Variants in PRKN observed in about 807,000 individuals in gnomAD.
The protein encoded by PRKN is parkin RBR E3 ubiquitin protein ligase, also known as E3 ubiquitin-protein ligase parkin.
Under a neutral mutation model 59.5 loss-of-function variants are expected in PRKN, and 56 were observed. The observed-to-expected ratio is 0.94, with a 90% CI of 0.76 to 1.18. The LOEUF is 1.18. PRKN is among the 50% of genes most tolerant of loss of function. The pLI is 0.00. For missense variants in PRKN, 657 were observed against 596.4 expected (o/e 1.10, Z -1.06); for synonymous variants, 250 against 222.1 (o/e 1.13, Z -1.12).
At chr6:162,669,470 G>C (rs1231224208) in intron 1 of PRKN, among the ~76,000 whole-genome samples, 1 of 152,058 alleles carries the variant, frequency 6.6e-6, no homozygotes, top group African/African-American at 2.4e-5. Context: ...TTTGTTACTT[G>C]AATACGTTTA....
chr6:161,733,257 T>C (rs577482027), intron 7 of PRKN, among the ~76,000 whole-genome samples: 5 of 152,326 alleles, frequency 3.3e-5, no homozygotes, highest in East Asian at 1.9e-4. Flanking sequence ...TCTCCTTATA[T>C]GGAAAAGTAT....
At chr6:162,302,279 A>G (rs1562653350) in intron 2 of PRKN, among the ~76,000 whole-genome samples, 2 of 152,062 alleles carry the variant, frequency 1.3e-5, no homozygotes, top group Admixed American at 6.6e-5. Context: ...CCTATTGTGT[A>G]TGAGAGGAAT....
At position 161,369,282 on chromosome 6, in the gene PRKN, A is replaced by C. The variant is rs138529453; in HGVS notation, c.1168-9077T>G. On this transcript the variant is annotated intron_variant, in intron 10 of 11. Transcript: ENST00000366898. This position sits in a 1 kb window ranked among gnomAD's most constrained non-coding sequence, Gnocchi z 5.8. Reference sequence around the variant, plus strand: ...AAAAATGATCCCAAGGCTTGTGTCCAGACTCTGGAGATTGGGATTCAGTAG... The same window carrying C: ...AAAAATGATCCCAAGGCTTGTGTCCCGACTCTGGAGATTGGGATTCAGTAG... 2.0e-4 allele frequency among the ~76,000 whole-genome samples: 30 copies of C among 152,332 alleles called. No homozygotes were observed. Among genetic ancestry groups the C allele is most frequent in the Non-Finnish European group, 4.3e-4 (29 of 68,038 alleles).
intron 7 of PRKN, among the ~76,000 whole-genome samples, chr6:161,620,561 T>G (rs1305154036): frequency 6.6e-6 from 1 of 152,144 alleles, no homozygotes; most frequent in Non-Finnish European, 1.5e-5. Context: ...AAGAAACCAC[T>G]ACTAGCATCA....
chr6:161,684,201 CA>C (rs1030022086), intron 7 of PRKN, among the ~76,000 whole-genome samples: 4 of 151,676 alleles, frequency 2.6e-5, no homozygotes, highest in South Asian at 2.1e-4. Flanking sequence ...AAACATTTTT[CA>C]AAAAAATTTA....
intron 3 of PRKN, among the ~76,000 whole-genome samples, chr6:162,229,042 A>G (rs1280874301): frequency 2.0e-5 from 3 of 152,192 alleles, no homozygotes; most frequent in Non-Finnish European, 4.4e-5. Flanking sequence ...TCGCTGCTCA[A>G]GTGATCTTCT....
chr6:161,674,551 T>C (rs1785021450), intron 7 of PRKN, among the ~76,000 whole-genome samples: 2 of 152,184 alleles, frequency 1.3e-5, no homozygotes, highest in Admixed American at 6.5e-5. Context: ...CTTAGAACTA[T>C]AATTTTTTAA....
intron 6 of PRKN, among the ~76,000 whole-genome samples, chr6:161,831,337 C>T (rs542318378): frequency 1.5e-3 from 222 of 152,346 alleles, no homozygotes; most frequent in Admixed American, 3.5e-3. Flanking sequence ...AGATGTATTT[C>T]TAAGTACATG....
rs142743825 is a variant in PRKN at position 161,581,660 on chromosome 6, G to T, written c.872-12244C>A. On this transcript the variant is annotated intron_variant, in intron 7 of 11. Transcript: ENST00000366898. The surrounding 1 kb of genome is among the most constrained non-coding windows in gnomAD (Gnocchi z 4.5). ...GCAAGAGACAGGAAATAGAATGGAAGAAATGAAGGAAAAATGGAATCGCTG... is the reference window on the plus strand; with the variant it reads ...GCAAGAGACAGGAAATAGAATGGAATAAATGAAGGAAAAATGGAATCGCTG... Among the ~76,000 whole-genome samples the T allele has an allele frequency of 5.9e-5, 9 of 152,288 alleles. No individual in the cohort carries two copies. Among genetic ancestry groups the T allele is most frequent in the African/African-American group, 2.2e-4 (9 of 41,582 alleles).
intron 1 of PRKN, among the ~76,000 whole-genome samples, chr6:162,576,149 A>C (rs1780546141): frequency 1.3e-5 from 2 of 152,112 alleles, no homozygotes; most frequent in Admixed American, 6.6e-5. Flanking sequence ...TCTCTTCAGA[A>C]ACCATATCCT....
intron 2 of PRKN, among the ~76,000 whole-genome samples, chr6:162,312,984 C>A (rs1360864300): frequency 2.0e-5 from 3 of 151,990 alleles, no homozygotes; most frequent in African/African-American, 4.8e-5. Context: ...TAGATGATAT[C>A]ACATATATAC....
chr6:162,041,018 C>T (rs901775514), intron 5 of PRKN, among the ~76,000 whole-genome samples: 1 of 151,718 alleles, frequency 6.6e-6, no homozygotes, highest in African/African-American at 2.4e-5. Flanking sequence ...AATCCCATCT[C>T]TACTAAAAAT....
intron 6 of PRKN, among the ~76,000 whole-genome samples, chr6:161,959,385 T>G (rs1780299455): frequency 6.6e-6 from 1 of 152,112 alleles, no homozygotes; most frequent in Admixed American, 6.5e-5. Context: ...AACTTCTGCC[T>G]CAATTTCTGC....
intron 1 of PRKN, among the ~76,000 whole-genome samples, chr6:162,726,260 A>C (rs1477358035): frequency 6.6e-6 from 1 of 152,212 alleles, no homozygotes; most frequent in East Asian, 1.9e-4. Context: ...TTAAAATAAA[A>C]TGTATTTAAC....
chr6:162,261,781 CTTTT>C (rs1169555174), intron 3 of PRKN, among the ~76,000 whole-genome samples: 6 of 152,062 alleles, frequency 3.9e-5, no homozygotes, highest in African/African-American at 1.2e-4. Context: ...TGGAAATTAT[CTTTT>C]TTTATTTTTT....
At chr6:162,342,797 A>T (rs1226890454) in intron 2 of PRKN, among the ~76,000 whole-genome samples, 1 of 152,152 alleles carries the variant, frequency 6.6e-6, no homozygotes, top group African/African-American at 2.4e-5. Context: ...TTTAAAAAAT[A>T]TTATTAATGA....
At chr6:162,108,115 A>G (rs1403135925) in intron 4 of PRKN, among the ~76,000 whole-genome samples, 2 of 152,222 alleles carry the variant, frequency 1.3e-5, no homozygotes, top group Non-Finnish European at 2.9e-5. Flanking sequence ...TGCTCCAAAC[A>G]TGTACCTGGT....
chr6:161,400,349 C>G lies in PRKN; in HGVS notation c.1084-13472G>C, dbSNP rs1786972715. Among the ~76,000 whole-genome samples the G allele has an allele frequency of 1.3e-5, 2 of 151,680 alleles. 1 individual carries two copies. The highest frequency in any genetic ancestry group is 4.8e-5 in the African/African-American group (2 of 41,240). On this transcript the variant is annotated intron_variant, in intron 9 of 11. Coordinates refer to ENST00000366898, the MANE Select transcript of PRKN (RefSeq NM_004562.3). The surrounding 1 kb of genome is among the most constrained non-coding windows in gnomAD (Gnocchi z 4.2). ...TGAGATGGAATTTCACTCTTGTCAC[C>G]CAGGCTGGAGTGCAATGGCACGATC...
chr6:161,390,219 C>T lies in PRKN; in HGVS notation c.1084-3342G>A, dbSNP rs1786444678. ...TTATCCAGGACTCAAGACTCTCAAC[C>T]TTCAGTTCTCACACTACGCACCAGA... On this transcript the variant is annotated intron_variant, in intron 9 of 11. Transcript: ENST00000366898. This position sits in a 1 kb window ranked among gnomAD's most constrained non-coding sequence, Gnocchi z 7.0. Among the ~76,000 whole-genome samples, 1 of 152,198 alleles carries T rather than the reference C, an allele frequency of 6.6e-6. No individual in the cohort carries two copies. The highest frequency in any genetic ancestry group is 2.4e-5 in the African/African-American group (1 of 41,456).
Sources: gnomAD v4.1 joint callset for allele counts (sites outside exome capture counted in the v4.1 genomes callset) on GRCh38, gnomAD v4.1.1 for gene constraint, Gnocchi (gnomAD v3.1) non-coding constraint, MANE v1.5 for transcripts, NCBI Gene and HGNC (gene_info 2026-07-23, HGNC 2026-07-21) for gene names.